ARID1A: variants seen among roughly 807,000 people sequenced by gnomAD.
ARID1A encodes AT-rich interactive domain-containing protein 1A.
ARID1A carries 20 observed loss-of-function variants against 212.6 expected under a neutral mutation model. The observed-to-expected ratio is 0.09, with a 90% CI of 0.07 to 0.14. The LOEUF (loss-of-function observed/expected upper bound fraction) is 0.14. ARID1A is among the 10% of genes least tolerant of loss of function. ARID1A has a pLI of 1.00. For missense variants in ARID1A, 2,587 were observed against 3,059.0 expected, an observed-to-expected ratio of 0.85 and a Z score of 3.64; for synonymous variants, 1,376 against 1,222.1, an observed-to-expected ratio of 1.13 and a Z score of -2.63.
At chr1:26,730,223 G>A (rs1443433632) in intron 2 of ARID1A, among the ~76,000 whole-genome samples, 2 of 152,162 alleles carry the variant, frequency 1.3e-5, no homozygotes, top group Non-Finnish European at 2.9e-5. Flanking sequence ...CCCTGGTGAC[G>A]GAAGAGGCCC....
rs2081089446 is a variant in ARID1A, at chr1:26,772,316, A to T, written c.3407-184A>T. 7.3e-6 allele frequency: 6 copies of T among 821,004 alleles called. No individual in the cohort carries two copies. The South Asian group carries it at 9.6e-5, about 13-fold the overall frequency. The allele number at this position is 821,004 out of a possible 1,614,324, so 50.9% of individuals were successfully genotyped here. ...ACACGTAAAACAAAAACAAAGAGCT[A>T]CAAAACCCTCAGATTCCCGTCTTTA... On this transcript the variant is annotated intron_variant, in intron 12 of 19. Coordinates refer to ENST00000324856, the MANE Select transcript of ARID1A (RefSeq NM_006015.6).
intron 1 of ARID1A, among the ~76,000 whole-genome samples, chr1:26,707,200 ATTTTTTTTTTTT>A (rs751639614): frequency 3.4e-4 from 35 of 102,608 alleles, no homozygotes; most frequent in African/African-American, 1.2e-3. Context: ...CGGCTGGCTA[ATTTTTTTTTTTT>A]TTTTTTTTTT....
At position 26,696,490 on chromosome 1, in the gene ARID1A, G is replaced by A. The variant is rs2124740098; in HGVS notation, c.87G>A (p.Gln29=). Residue 29 remains glutamine, a synonymous_variant, in exon 1 of 20, where the codon CAG becomes CAA. Transcript: ENST00000324856. ...PPPSELKKAE[Q]QQREEAGGEA... ...CCTCGGAGCTGAAGAAAGCCGAGCA[G>A]CAGCAGCGGGAGGAGGCGGGGGGCG... 8.0e-7 allele frequency: 1 copy of A among 1,243,080 alleles called. No homozygotes were observed. Among genetic ancestry groups the A allele is most frequent in the Non-Finnish European group, 1.0e-6 (1 of 995,922 alleles). The allele number at this position is 1,243,080 out of a possible 1,614,324, so 77.0% of individuals were successfully genotyped here.
Position 26,773,706 on chromosome 1 carries a change from G to A in ARID1A, c.3993G>A (p.Gln1331=), listed in dbSNP as rs2081106147. Residue 1331 remains glutamine (Q), a synonymous_variant, in exon 16 of 20, where the codon CAG becomes CAA. Coordinates refer to ENST00000324856, the MANE Select transcript of ARID1A (RefSeq NM_006015.6). ...PSRYPPQQQQ[Q]QQQRHDSYGN... is the part of the protein sequence containing the mutation. The stretch of plus-strand genomic sequence containing the variant: ...GCTACCCCCCGCAGCAGCAGCAGCA[G>A]CAGCAGCAACGGTGAGTAAAGCCTG... The A allele has an allele frequency of 6.2e-7, 1 of 1,614,168 alleles. No homozygotes were observed.
chr1:26,734,832 A>G (rs1475954927), intron 4 of ARID1A, among the ~76,000 whole-genome samples: 2 of 152,208 alleles, frequency 1.3e-5, no homozygotes, highest in African/African-American at 2.4e-5. Context: ...GCATTGCTTC[A>G]CTAAACAAAT....
Position 26,775,000 on chromosome 1 carries a change from G to T in ARID1A, c.4773G>T (p.Leu1591=), listed in dbSNP as rs779619447. ...HIPQVSSPAP[L]PRPMENRTSP... ...CTCAGGTATCCAGCCCTGCTCCCCT[G>T]CCCCGGCCAATGGAGAACCGCACCT... Residue 1591 remains leucine (L), a synonymous_variant, in exon 18 of 20, where the codon CTG becomes CTT. Coordinates refer to ENST00000324856, the MANE Select transcript of ARID1A (RefSeq NM_006015.6). The surrounding 1 kb of genome is among the most constrained non-coding windows in gnomAD (Gnocchi z 5.6). 60 of 1,561,418 alleles carry T rather than the reference G, an allele frequency of 3.8e-5. No homozygotes were observed. Among genetic ancestry groups the T allele is most frequent in the African/African-American group, 9.9e-5 (7 of 70,936 alleles).
intron 1 of ARID1A, among the ~76,000 whole-genome samples, chr1:26,726,713 G>A (rs944679877): frequency 6.6e-6 from 1 of 152,238 alleles, no homozygotes; most frequent in African/African-American, 2.4e-5. Flanking sequence ...CTGAGCCCAA[G>A]CTCTGTACTT....
chr1:26,757,823 C>T (rs1049458113), intron 4 of ARID1A, among the ~76,000 whole-genome samples: 2 of 152,058 alleles, frequency 1.3e-5, no homozygotes, highest in African/African-American at 4.8e-5. Context: ...TGCCCACCAC[C>T]ACGCCCGGGT....
chr1:26,751,582 G>A (rs1256924606), intron 4 of ARID1A, among the ~76,000 whole-genome samples: 2 of 151,966 alleles, frequency 1.3e-5, no homozygotes, highest in Non-Finnish European at 2.9e-5. Flanking sequence ...TTAAAATGGG[G>A]GTAATACCTA....
rs1185207837 is a variant in ARID1A, at chr1:26,774,907, T to C, written c.4680T>C (p.Pro1560=). The change falls in exon 18 of 20, where the codon CCT becomes CCC. Residue 1560 remains proline (P), a synonymous_variant. Transcript: ENST00000324856. This position sits in a 1 kb window ranked among gnomAD's most constrained non-coding sequence, Gnocchi z 5.6. ...TRQPPYGPSA[P]VPPMTRPPPS... is the part of the protein sequence containing the mutation. ...AGCCCCCATATGGTCCCTCTGCCCC[T>C]GTGCCCCCCATGACAAGGCCCCCTC... 6 of 1,411,882 alleles carry C rather than the reference T, an allele frequency of 4.2e-6. No individual in the cohort carries two copies. The highest frequency in any genetic ancestry group is 2.5e-5 in the South Asian group (2 of 79,214). The allele number at this position is 1,411,882 out of a possible 1,614,324, so 87.5% of individuals were successfully genotyped here.
intron 1 of ARID1A, among the ~76,000 whole-genome samples, chr1:26,724,886 ACATTT>A (rs1394375039): frequency 9.9e-5 from 15 of 152,224 alleles, no homozygotes; most frequent in African/African-American, 3.6e-4. Flanking sequence ...ATCTTTTGAT[ACATTT>A]CATTTGGCAG....
rs149578428 is a variant in ARID1A at position 26,751,386 on chromosome 1, C to T, written c.1921-9470C>T. Among the ~76,000 whole-genome samples the T allele has an allele frequency of 5.9e-5, 9 of 152,184 alleles. No homozygotes were observed. The East Asian group carries it at 1.7e-3, about 29-fold the overall frequency. The stretch of plus-strand genomic sequence containing the variant: ...GCCAGTTGAGTCAAGTAGCTAATCA[C>T]GCAGCATGTCTGGTGATATAGGTTG... On this transcript the variant is annotated intron_variant, in intron 4 of 19. Coordinates refer to ENST00000324856, the MANE Select transcript of ARID1A (RefSeq NM_006015.6).
chr1:26,718,468 C>G (rs571416890), intron 1 of ARID1A, among the ~76,000 whole-genome samples: 5 of 152,150 alleles, frequency 3.3e-5, no homozygotes, highest in Non-Finnish European at 7.3e-5. Flanking sequence ...CAGTGGGTGC[C>G]TGAAAGTACC....
intron 19 of ARID1A, 58 bp from the exon 20 acceptor site, chr1:26,778,965 A>ATTCTG: frequency 6.8e-7 from 1 of 1,476,346 alleles, no homozygotes; most frequent in Non-Finnish European, 9.0e-7. Flanking sequence ...CAAGTCAATA[A>ATTCTG]TTCTGTTCTT....
intron 4 of ARID1A, among the ~76,000 whole-genome samples, chr1:26,745,771 C>T (rs534038998): frequency 1.6e-4 from 25 of 152,202 alleles, no homozygotes; most frequent in African/African-American, 5.8e-4. Flanking sequence ...AAGAAAAGGC[C>T]GCAGGCACGG....
intron 18 of ARID1A, 30 bp downstream of exon 18, chr1:26,775,250 A>G (rs747921327): frequency 1.3e-6 from 2 of 1,542,378 alleles, no homozygotes; most frequent in South Asian, 2.5e-5. Context: ...TCGGTTGCCT[A>G]ATCTGCCCCT....
At chr1:26,707,533 G>A (rs1307770291) in intron 1 of ARID1A, among the ~76,000 whole-genome samples, 1 of 151,638 alleles carries the variant, frequency 6.6e-6, no homozygotes, top group Non-Finnish European at 1.5e-5. Flanking sequence ...AGTAGAGATG[G>A]GGTTTCACCA....
intron 1 of ARID1A, among the ~76,000 whole-genome samples, chr1:26,708,194 C>G (rs573868352): frequency 6.8e-6 from 1 of 148,006 alleles, no homozygotes; most frequent in African/African-American, 2.5e-5. Context: ...CTCTGGTCCC[C>G]GGTCCTCTCT....
chr1:26,767,662 A>G (rs1048997289), intron 10 of ARID1A, 128 bp from the exon 11 acceptor site: 3 of 941,170 alleles, frequency 3.2e-6, no homozygotes, highest in South Asian at 3.5e-5. Context: ...TTATGAAGGT[A>G]GGACAGGTGT....
Sources: allele counts gnomAD v4.1 joint callset (sites outside exome capture counted in the v4.1 genomes callset), GRCh38; gene constraint gnomAD v4.1.1; non-coding constraint Gnocchi (gnomAD v3.1); transcripts MANE v1.5; gene names NCBI Gene and HGNC (gene_info 2026-07-23, HGNC 2026-07-21).